NTRK3: variants seen among roughly 807,000 people sequenced by gnomAD.
NTRK3 encodes the protein NT-3 growth factor receptor.
NTRK3 carries 24 observed loss-of-function variants against 91.7 expected under a neutral mutation model. That is an observed-to-expected ratio of 0.26 (90% confidence interval 0.19 to 0.37). NTRK3 has a LOEUF of 0.37. Among genes scored for constraint, NTRK3 ranks in the 10% least tolerant of loss-of-function variants. The pLI, the probability that NTRK3 is intolerant of heterozygous loss-of-function variation, is 1.00. For missense variants in NTRK3, 880 were observed against 1,068.9 expected, an observed-to-expected ratio of 0.82 and a Z score of 2.46; for synonymous variants, 483 against 404.0, an observed-to-expected ratio of 1.20 and a Z score of -2.34.
chr15:88,189,487 A>T (rs1400788414), intron 3 of NTRK3, among the ~76,000 whole-genome samples: 3 of 150,330 alleles, frequency 2.0e-5, no homozygotes, highest in African/African-American at 7.4e-5. Context: ...GCAATGGCTC[A>T]CTGCAACCTC....
In NTRK3 at chr15:88,073,976, G is replaced by A. The variant is rs117286839; in HGVS notation, c.1397-40931C>T. Among the ~76,000 whole-genome samples, 332 of 152,292 alleles carry A rather than the reference G, an allele frequency of 2.2e-3. 3 individuals are homozygous for A. Among genetic ancestry groups the A allele is most frequent in the Admixed American group, 7.6e-3 (117 of 15,296 alleles). The stretch of plus-strand genomic sequence containing the variant: ...CCAGGCAGGAAGATGTGTGGCCTCA[G>A]GTAACTCACCAAATGGAAACTGATC... On this transcript the variant is annotated intron_variant, in intron 13 of 18. Transcript: ENST00000394480.
intron 14 of NTRK3, among the ~76,000 whole-genome samples, chr15:87,963,656 T>C (rs915907000): frequency 3.3e-5 from 5 of 152,222 alleles, no homozygotes; most frequent in African/African-American, 1.2e-4. Flanking sequence ...GGTAGGCTAG[T>C]CTAAGCGATG....
chr15:88,131,494 C>T (rs577252914), intron 10 of NTRK3, among the ~76,000 whole-genome samples: 3 of 152,168 alleles, frequency 2.0e-5, no homozygotes, highest in African/African-American at 4.8e-5. Flanking sequence ...GCATACCCTT[C>T]GTGCCAACAC....
At chr15:88,031,489 T>C (rs970743819) in intron 14 of NTRK3, among the ~76,000 whole-genome samples, 3 of 152,194 alleles carry the variant, frequency 2.0e-5, no homozygotes. Context: ...AGTGAACTAA[T>C]CTTTGTTCTG....
intron 14 of NTRK3, among the ~76,000 whole-genome samples, chr15:87,974,947 C>T (rs2141301211): frequency 6.6e-6 from 1 of 152,208 alleles, no homozygotes; most frequent in East Asian, 1.9e-4. Context: ...AGATGTGCTA[C>T]TTTAGGGGGC....
intron 13 of NTRK3, among the ~76,000 whole-genome samples, chr15:88,055,401 A>G (rs575927114): frequency 6.6e-6 from 1 of 152,358 alleles, no homozygotes; most frequent in Admixed American, 6.5e-5. Context: ...ACTCAAACTC[A>G]GATTCTAATA....
intron 17 of NTRK3, among the ~76,000 whole-genome samples, chr15:87,883,638 A>C (rs1596075789): frequency 6.6e-6 from 1 of 151,212 alleles, no homozygotes; most frequent in East Asian, 1.9e-4. Context: ...AATTACCTAA[A>C]AAAAGTATCA....
chr15:87,989,798 G>T (rs530726616), intron 14 of NTRK3, among the ~76,000 whole-genome samples: 24 of 152,078 alleles, frequency 1.6e-4, no homozygotes, highest in African/African-American at 5.5e-4. Flanking sequence ...GTAGAGATGT[G>T]GTTTCACCAT....
intron 14 of NTRK3, among the ~76,000 whole-genome samples, chr15:87,982,016 C>T (rs1430971997): frequency 6.6e-6 from 1 of 152,148 alleles, no homozygotes; most frequent in Non-Finnish European, 1.5e-5. Flanking sequence ...GATGAAATCT[C>T]CTTTGGAGAC....
intron 16 of NTRK3, 22 bp from the exon 17 acceptor site, chr15:87,929,456 A>G (rs747988680): frequency 6.2e-7 from 1 of 1,612,580 alleles, no homozygotes; most frequent in Non-Finnish European, 8.5e-7. Context: ...TGGGGAGAAG[A>G]GAGGGGGCAG....
chr15:88,218,455 C>T lies in NTRK3; in HGVS notation c.249-34156G>A, dbSNP rs557703900. On this transcript the variant is annotated intron_variant, in intron 3 of 18. Transcript: ENST00000394480. The stretch of plus-strand genomic sequence containing the variant: ...ACTGGATCTCTCTGAGCTTACATTT[C>T]CTCCTCTGTAAAATGGGATAATAAT... 3.3e-5 allele frequency among the ~76,000 whole-genome samples: 5 copies of T among 152,346 alleles called. No homozygotes were observed. In the South Asian group the frequency reaches 1.0e-3, roughly 32 times the overall value.
At chr15:88,066,449 C>T (rs1185289247) in intron 13 of NTRK3, among the ~76,000 whole-genome samples, 1 of 152,186 alleles carries the variant, frequency 6.6e-6, no homozygotes, top group African/African-American at 2.4e-5. Context: ...GACACACAGC[C>T]CTGCCTTTCT....
At chr15:88,196,379 G>C (rs550813116) in intron 3 of NTRK3, among the ~76,000 whole-genome samples, 1 of 149,644 alleles carries the variant, frequency 6.7e-6, no homozygotes, top group East Asian at 2.1e-4. Flanking sequence ...GTGAAGAAGA[G>C]AGAAGTCACA....
chr15:87,962,398 A>G (rs1279388898), intron 14 of NTRK3, among the ~76,000 whole-genome samples: 2 of 152,144 alleles, frequency 1.3e-5, no homozygotes. Flanking sequence ...GAAAGACACT[A>G]AAGACCCTGT....
intron 3 of NTRK3, among the ~76,000 whole-genome samples, chr15:88,209,045 T>C (rs2049022947): frequency 6.6e-6 from 1 of 152,184 alleles, no homozygotes; most frequent in Non-Finnish European, 1.5e-5. Context: ...AATCTATGTG[T>C]AATTATAATG....
At position 87,880,175 on chromosome 15, in the gene NTRK3, C is replaced by T. The variant is rs1026268985; in HGVS notation, c.2292+95G>A. On this transcript the variant is annotated intron_variant, in intron 18 of 18. Coordinates refer to ENST00000394480, the Ensembl canonical transcript of NTRK3. ...GCATTCACTCTGCTGGCTCTAAATC[C>T]CACCTAATGTCTTGTTCAGTAGGTC... 1.9e-5 allele frequency: 29 copies of T among 1,511,574 alleles called. No individual in the cohort carries two copies. In the Admixed American group the frequency reaches 4.9e-4, roughly 25 times the overall value. 93.6% of individuals were successfully genotyped at this position (1,511,574 alleles called of 1,614,324 possible).
At chr15:87,961,582 G>A (rs760752507) in intron 14 of NTRK3, among the ~76,000 whole-genome samples, 2 of 152,264 alleles carry the variant, frequency 1.3e-5, no homozygotes, top group South Asian at 2.1e-4. Context: ...GGTGGGAGAT[G>A]GGAAAGTTAA....
At chr15:88,136,866 T>A (rs1325710780) in intron 7 of NTRK3, among the ~76,000 whole-genome samples, 1 of 152,162 alleles carries the variant, frequency 6.6e-6, no homozygotes. Context: ...GGGGCAGTGC[T>A]TAGGGAATGC....
At chr15:88,070,998 T>G (rs1467599985) in intron 13 of NTRK3, among the ~76,000 whole-genome samples, 6 of 152,212 alleles carry the variant, frequency 3.9e-5, no homozygotes, top group African/African-American at 1.4e-4. Flanking sequence ...GAAAGAGACA[T>G]CAGCCTGGGC....
Sources: allele counts gnomAD v4.1 joint callset (sites outside exome capture counted in the v4.1 genomes callset), GRCh38; gene constraint gnomAD v4.1.1; transcripts MANE v1.5; gene names NCBI Gene and HGNC (gene_info 2026-07-23, HGNC 2026-07-21).